Variants in CD55 observed in about 807,000 individuals in gnomAD.
CD55 encodes CD55 molecule (Cromer blood group).
CD55 carries 41 observed loss-of-function variants against 45.8 expected under a neutral mutation model. That is an observed-to-expected ratio of 0.90 (90% confidence interval 0.70 to 1.16). CD55 has a LOEUF of 1.16. CD55 is among the 50% of genes most tolerant of loss of function. The pLI is 0.00. For missense variants in CD55, 416 were observed against 469.8 expected (o/e 0.89, Z 1.06); for synonymous variants, 181 against 181.1 (o/e 1.00, Z 0.01).
At chr1:207,356,470 G>T (rs1656077938) in intron 9 of CD55, among the ~76,000 whole-genome samples, 1 of 152,010 alleles carries the variant, frequency 6.6e-6, no homozygotes, top group Non-Finnish European at 1.5e-5. Context: ...TTTCCACTCA[G>T]TGTAATTTAT....
At chr1:207,359,471 A>C in intron 9 of CD55, 75 bp from the exon 10 acceptor site, 1 of 1,404,476 alleles carries the variant, frequency 7.1e-7, no homozygotes, top group Non-Finnish European at 9.4e-7. Context: ...ATAGTAACTA[A>C]AAATTTATAT....
At chr1:207,330,685 T>C (rs1654902353) in intron 5 of CD55, among the ~76,000 whole-genome samples, 1 of 152,218 alleles carries the variant, frequency 6.6e-6, no homozygotes, top group Non-Finnish European at 1.5e-5. Context: ...CTTTCTCCGC[T>C]GTTCTCTCTC....
At chr1:207,329,195 C>T (rs775378579) in intron 5 of CD55, among the ~76,000 whole-genome samples, 1 of 152,188 alleles carries the variant, frequency 6.6e-6, no homozygotes, top group Non-Finnish European at 1.5e-5. Context: ...GAGGAGAAGT[C>T]GTAGGACAGG....
intron 9 of CD55, among the ~76,000 whole-genome samples, chr1:207,356,150 C>A (rs1319401863): frequency 6.6e-6 from 1 of 152,148 alleles, no homozygotes; most frequent in East Asian, 1.9e-4. Context: ...TCAAGGATTT[C>A]TTGCTGGTAC....
At chr1:207,337,127 A>G in intron 7 of CD55, 2 of 607,316 alleles carry the variant, frequency 3.3e-6, no homozygotes, top group South Asian at 2.0e-5. Flanking sequence ...AACCCTATCT[A>G]CAAAGACCCC....
chr1:207,357,605 G>A (rs953984195), intron 9 of CD55, among the ~76,000 whole-genome samples: 3 of 151,994 alleles, frequency 2.0e-5, no homozygotes, highest in African/African-American at 7.3e-5. Context: ...GCAGCAAGAT[G>A]TGATAAGTTT....
At chr1:207,337,525 T>C (rs1655239471) in intron 8 of CD55, 116 bp downstream of exon 8, 1 of 636,532 alleles carries the variant, frequency 1.6e-6, no homozygotes, top group South Asian at 1.9e-5. Flanking sequence ...GCCAGGGTTT[T>C]TCATACTAAT....
chr1:207,339,989 G>A (rs1379669767), intron 9 of CD55, among the ~76,000 whole-genome samples: 1 of 152,076 alleles, frequency 6.6e-6, no homozygotes, highest in Non-Finnish European at 1.5e-5. Flanking sequence ...TTCTTCTAGT[G>A]ACTATGAAAA....
chr1:207,343,366 C>CTACA (rs1655509567), intron 9 of CD55, among the ~76,000 whole-genome samples: 1 of 152,044 alleles, frequency 6.6e-6, no homozygotes, highest in Admixed American at 6.5e-5. Flanking sequence ...ATAAGTTTTG[C>CTACA]TACACTGTTG....
chr1:207,338,641 C>G (rs914665416), intron 8 of CD55, among the ~76,000 whole-genome samples: 4 of 152,020 alleles, frequency 2.6e-5, no homozygotes, highest in Non-Finnish European at 5.9e-5. Context: ...TTGTAGCCAC[C>G]ACTTACTGAG....
intron 3 of CD55, 123 bp from the exon 4 acceptor site, chr1:207,325,499 G>A (rs1288210093): frequency 5.4e-6 from 3 of 556,500 alleles, no homozygotes; most frequent in Non-Finnish European, 9.6e-6. Context: ...TGATATATGT[G>A]CACATTGTGA....
intron 1 of CD55, 90 bp from the exon 2 acceptor site, chr1:207,322,292 G>A (rs1459193181): frequency 3.9e-6 from 4 of 1,024,980 alleles, no homozygotes; most frequent in Non-Finnish European, 6.2e-6. Context: ...TCTTTCAGGT[G>A]TGGCATTTCA....
chr1:207,339,981 C>T (rs1655349367), intron 9 of CD55, among the ~76,000 whole-genome samples: 1 of 152,084 alleles, frequency 6.6e-6, no homozygotes, highest in Admixed American at 6.5e-5. Context: ...TAGGTCCTTT[C>T]TTCTAGTGAC....
intron 8 of CD55, chr1:207,337,631 C>T: frequency 5.3e-6 from 2 of 374,346 alleles, no homozygotes; most frequent in South Asian, 1.7e-4. Context: ...ACTGTGGCCC[C>T]ATTAAAAAAA....
chr1:207,345,778 G>C (rs1387142924), intron 9 of CD55, among the ~76,000 whole-genome samples: 2 of 152,182 alleles, frequency 1.3e-5, no homozygotes, highest in African/African-American at 2.4e-5. Flanking sequence ...AGTTAGGTGG[G>C]GCACTTTGGC....
At chr1:207,326,697 A>C in intron 4 of CD55, 55 bp from the exon 5 acceptor site, 1 of 1,297,522 alleles carries the variant, frequency 7.7e-7, no homozygotes, top group Non-Finnish European at 1.1e-6. Flanking sequence ...GAATTTGAGG[A>C]AAGTCAAATA....
intron 3 of CD55, 141 bp from the exon 4 acceptor site, chr1:207,325,481 T>C (rs1007804932): frequency 1.4e-5 from 7 of 495,452 alleles, no homozygotes; most frequent in African/African-American, 1.4e-4. Flanking sequence ...GTGTACAACA[T>C]GATGTTTTGA....
At chr1:207,347,865 G>A (rs1196771634) in intron 9 of CD55, among the ~76,000 whole-genome samples, 1 of 152,164 alleles carries the variant, frequency 6.6e-6, no homozygotes, top group Non-Finnish European at 1.5e-5. Flanking sequence ...AATTCACTTA[G>A]GATAATGGTT....
intron 5 of CD55, among the ~76,000 whole-genome samples, chr1:207,327,057 T>C (rs1307330605): frequency 2.0e-5 from 3 of 152,206 alleles, no homozygotes; most frequent in Non-Finnish European, 4.4e-5. Flanking sequence ...AATTCCCAAA[T>C]TGTAGAATGA....
Sources: gnomAD v4.1 joint callset for allele counts (sites outside exome capture counted in the v4.1 genomes callset) on GRCh38, gnomAD v4.1.1 for gene constraint, MANE v1.5 for transcripts, NCBI Gene and HGNC (gene_info 2026-07-23, HGNC 2026-07-21) for gene names.